Variants in VAV3 observed in about 807,000 individuals in gnomAD.
VAV3 encodes the protein guanine nucleotide exchange factor VAV3.
VAV3 carries 94 observed loss-of-function variants against 131.2 expected under a neutral mutation model. That is an observed-to-expected ratio of 0.72 (90% CI 0.61 to 0.85). The LOEUF is 0.85. Among genes scored for constraint, VAV3 ranks in the 40% least tolerant of loss-of-function variants. The probability of loss-of-function intolerance (pLI) is 0.00; values close to 1 mark genes in which losing one functional copy is unlikely to be tolerated. For synonymous variants in VAV3, 349 were observed against 342.0 expected (o/e 1.02, Z -0.22); for missense variants, 939 against 1,002.7 (o/e 0.94, Z 0.86).
At chr1:107,879,548 TTGAG>T (rs901024685) in intron 1 of VAV3, among the ~76,000 whole-genome samples, 49 of 152,298 alleles carry the variant, frequency 3.2e-4, no homozygotes, top group African/African-American at 1.2e-3. Context: ...ACAACATTAC[TTGAG>T]TGTTTTTTTT....
intron 2 of VAV3, among the ~76,000 whole-genome samples, chr1:107,805,230 TTCTTTGAATAA>T (rs1667010139): frequency 6.6e-6 from 1 of 152,172 alleles, no homozygotes; most frequent in South Asian, 2.1e-4. Flanking sequence ...TGTCTACTGT[TTCTTTGAATAA>T]TCTTTCTACT....
intron 1 of VAV3, among the ~76,000 whole-genome samples, chr1:107,944,826 G>A (rs61798728): frequency 6.6e-6 from 1 of 152,080 alleles, no homozygotes; most frequent in African/African-American, 2.4e-5. Context: ...GGCTGGTCTC[G>A]AACTCCTGAG....
At chr1:107,962,519 G>A (rs1368242908) in intron 1 of VAV3, among the ~76,000 whole-genome samples, 1 of 152,186 alleles carries the variant, frequency 6.6e-6, no homozygotes, top group Non-Finnish European at 1.5e-5. Flanking sequence ...ACGTCAAGTT[G>A]TTTCATAAAA....
chr1:107,754,338 G>T (rs1221415902), intron 12 of VAV3, among the ~76,000 whole-genome samples: 1 of 152,170 alleles, frequency 6.6e-6, no homozygotes, highest in Non-Finnish European at 1.5e-5. Context: ...GCAGATGATG[G>T]TGTCCTGAAA....
intron 20 of VAV3, among the ~76,000 whole-genome samples, chr1:107,620,890 T>C (rs4501861): frequency 0.38 from 58,052 of 151,894 alleles, 11,578 homozygotes; most frequent in East Asian, 0.47. Flanking sequence ...AAATGGGAAC[T>C]GAAATCATAC....
chr1:107,777,194 G>A, intron 4 of VAV3, 37 bp downstream of exon 4: 2 of 1,561,682 alleles, frequency 1.3e-6, no homozygotes, highest in Non-Finnish European at 1.8e-6. Flanking sequence ...CACATAAATT[G>A]GCAGTGGCTA....
chr1:107,950,188 G>C (rs1674469180), intron 1 of VAV3, among the ~76,000 whole-genome samples: 1 of 152,142 alleles, frequency 6.6e-6, no homozygotes, highest in Admixed American at 6.5e-5. Context: ...AGTTCTCACA[G>C]CACCTGGTTC....
intron 1 of VAV3, among the ~76,000 whole-genome samples, chr1:107,886,176 C>A (rs1671027368): frequency 6.6e-6 from 1 of 152,216 alleles, no homozygotes; most frequent in Non-Finnish European, 1.5e-5. Context: ...GACCCTGCCT[C>A]CTACAAACAA....
intron 2 of VAV3, among the ~76,000 whole-genome samples, chr1:107,790,047 C>A (rs76894643): frequency 0.016 from 2,364 of 152,246 alleles, 24 homozygotes; most frequent in Non-Finnish European, 0.025. Flanking sequence ...ACTCCACAGA[C>A]GCAGGTGGTA....
chr1:107,724,835 GGA>G (rs1491378615), intron 15 of VAV3, among the ~76,000 whole-genome samples: 6 of 145,386 alleles, frequency 4.1e-5, no homozygotes, highest in African/African-American at 1.5e-4. Context: ...TGTGGTGGGG[GGA>G]AAAAAAAAAG....
At chr1:107,869,378 C>T (rs1426988559) in intron 2 of VAV3, among the ~76,000 whole-genome samples, 5 of 152,224 alleles carry the variant, frequency 3.3e-5, no homozygotes, top group East Asian at 3.9e-4. Flanking sequence ...ATTCAAAATT[C>T]GACACCTATG....
intron 1 of VAV3, among the ~76,000 whole-genome samples, chr1:107,956,145 T>C (rs1674798882): frequency 1.3e-5 from 2 of 152,206 alleles, no homozygotes; most frequent in Admixed American, 6.5e-5. Context: ...GCATCATCTA[T>C]GAGCACAGAT....
At chr1:107,600,836 T>G (rs565027712) in intron 24 of VAV3, among the ~76,000 whole-genome samples, 5 of 152,342 alleles carry the variant, frequency 3.3e-5, no homozygotes, top group Middle Eastern at 3.4e-3. Flanking sequence ...CAGTGACGAT[T>G]CCTTTCATCT....
chr1:107,745,008 C>A (rs17482377), intron 15 of VAV3, among the ~76,000 whole-genome samples: 6,457 of 152,198 alleles, frequency 0.042, 188 homozygotes, highest in South Asian at 0.089. Context: ...TTCATAAAAG[C>A]ACAATGGATA....
At chr1:107,573,477 G>A (rs540177705) in intron 26 of VAV3, 105 bp from the exon 27 acceptor site, 2 of 1,352,960 alleles carry the variant, frequency 1.5e-6, no homozygotes, top group Non-Finnish European at 2.1e-6. Flanking sequence ...AATTAAACTG[G>A]GGTTTTATGT....
At chr1:107,842,791 A>G (rs1214601646) in intron 2 of VAV3, among the ~76,000 whole-genome samples, 3 of 152,128 alleles carry the variant, frequency 2.0e-5, no homozygotes, top group Non-Finnish European at 2.9e-5. Context: ...ACTTAGGCAG[A>G]TATCGTTATC....
intron 2 of VAV3, among the ~76,000 whole-genome samples, chr1:107,802,950 G>A (rs1666894398): frequency 6.6e-6 from 1 of 150,816 alleles, no homozygotes; most frequent in Admixed American, 6.6e-5. Flanking sequence ...GTAGAATTTA[G>A]CAGTGAAGCC....
At position 107,704,909 on chromosome 1, in the gene VAV3, A is replaced by G. The variant is rs767238729; in HGVS notation, c.1604+51T>C. On this transcript the variant is annotated intron_variant, in intron 16 of 26. Transcript: ENST00000370056. ...AAGGTTAGAAAAGTCTGAAACACTT[A>G]GCAATTATATCAGTTCCTTTAAACT... 2.7e-5 allele frequency: 42 copies of G among 1,535,712 alleles called. 1 individual carries two copies. The South Asian group carries it at 4.5e-4, about 17-fold the overall frequency.
chr1:107,667,377 A>G (rs1008528593), intron 19 of VAV3, among the ~76,000 whole-genome samples: 19 of 152,132 alleles, frequency 1.2e-4, no homozygotes, highest in Non-Finnish European at 2.9e-5. Context: ...TACAAAACTA[A>G]TTTTTTAACC....
Sources: allele counts gnomAD v4.1 joint callset (sites outside exome capture counted in the v4.1 genomes callset), GRCh38; gene constraint gnomAD v4.1.1; transcripts MANE v1.5; gene names NCBI Gene and HGNC (gene_info 2026-07-23, HGNC 2026-07-21).